RIGI: variants seen among roughly 807,000 people sequenced by gnomAD.
RIGI encodes RNA sensor RIG-I.
the RIGI span, chr9:32,457,480 AT>A: frequency 1.5e-5 from 18 of 1,178,376 alleles, 1 homozygote; most frequent in South Asian, 2.2e-4. Context: ...CATAATTGTG[AT>A]TTAAAAAAAA....
the RIGI span, chr9:32,472,949 A>G: frequency 1.9e-6 from 3 of 1,543,156 alleles, no homozygotes; most frequent in Non-Finnish European, 2.7e-6. Context: ...ATAATCCACT[A>G]AATCTAATTC....
the RIGI span, among the ~76,000 whole-genome samples, chr9:32,508,239 A>ATTTTTTTTTTTTTTTTTTTTATTTTT: frequency 1.4e-5 from 1 of 70,336 alleles, no homozygotes; most frequent in African/African-American, 5.9e-5. Flanking sequence ...TATTTACTTA[A>ATTTTTTTTTTTTTTTTTTTTATTTTT]TTTTTTTTTT....
chr9:32,464,779 C>G, the RIGI span, among the ~76,000 whole-genome samples: 2 of 152,208 alleles, frequency 1.3e-5, no homozygotes, highest in African/African-American at 2.4e-5. Flanking sequence ...GGCTTCCCAG[C>G]TGCCAGTAAC....
the RIGI span, chr9:32,487,522 C>T: frequency 1.2e-6 from 2 of 1,614,022 alleles, no homozygotes; most frequent in Admixed American, 1.7e-5. Flanking sequence ...TTGTGTTTGA[C>T]TGTTGCTATC....
At chr9:32,477,111 T>G in the RIGI span, 22 of 1,613,556 alleles carry the variant, frequency 1.4e-5, no homozygotes, top group East Asian at 4.9e-4. Context: ...CTGGAAACAC[T>G]TTCTAGTTCC....
chr9:32,481,591 T>TG, the RIGI span: 1 of 958,520 alleles, frequency 1.0e-6, no homozygotes, highest in South Asian at 1.8e-5. Context: ...TCTTTTTCTT[T>TG]TTTTTTTTCC....
At chr9:32,472,087 C>T in the RIGI span, among the ~76,000 whole-genome samples, 2 of 152,156 alleles carry the variant, frequency 1.3e-5, no homozygotes, top group East Asian at 3.9e-4. Flanking sequence ...GATAATAACA[C>T]AGGCAGCCTT....
At chr9:32,473,351 G>A in the RIGI span, among the ~76,000 whole-genome samples, 52 of 140,114 alleles carry the variant, frequency 3.7e-4, no homozygotes, top group South Asian at 0.011. Context: ...GCAGTGGCAC[G>A]ATCTTCGCTC....
chr9:32,525,327 C>T, the RIGI span, among the ~76,000 whole-genome samples: 1 of 152,212 alleles, frequency 6.6e-6, no homozygotes. Flanking sequence ...CGAACAGCAA[C>T]AGCATCGGGT....
chr9:32,507,488 A>G, the RIGI span, among the ~76,000 whole-genome samples: 4 of 152,156 alleles, frequency 2.6e-5, no homozygotes, highest in Admixed American at 2.6e-4. Context: ...TCTAATATTT[A>G]ATAAACAAAG....
chr9:32,481,352 A>C, the RIGI span: 3 of 1,611,840 alleles, frequency 1.9e-6, no homozygotes, highest in South Asian at 3.3e-5. Flanking sequence ...GCAAATGTGA[A>C]GTGTATAAAA....
chr9:32,482,124 G>A, the RIGI span, among the ~76,000 whole-genome samples: 1 of 151,882 alleles, frequency 6.6e-6, no homozygotes, highest in Admixed American at 6.6e-5. Flanking sequence ...CCTCCAAACT[G>A]TTCTCCCTAC....
chr9:32,475,816 T>C, the RIGI span, among the ~76,000 whole-genome samples: 3 of 152,064 alleles, frequency 2.0e-5, no homozygotes, highest in Non-Finnish European at 2.9e-5. Context: ...AAAACTGATA[T>C]ACTGAACTTT....
the RIGI span, chr9:32,457,345 T>C: frequency 6.2e-7 from 1 of 1,614,126 alleles, no homozygotes; most frequent in Admixed American, 1.7e-5. Flanking sequence ...ACTTGAAAAC[T>C]GCTTTGGCTT....
the RIGI span, chr9:32,485,111 C>T: frequency 3.9e-5 from 47 of 1,212,560 alleles, 1 homozygote; most frequent in East Asian, 2.1e-4. Flanking sequence ...CACAAAAAGA[C>T]GATAGTGAAC....
At chr9:32,477,829 G>A in the RIGI span, among the ~76,000 whole-genome samples, 1 of 151,984 alleles carries the variant, frequency 6.6e-6, no homozygotes, top group Non-Finnish European at 1.5e-5. Flanking sequence ...GGAGGATGAG[G>A]CAGGAGAATC....
chr9:32,464,452 C>T, the RIGI span, among the ~76,000 whole-genome samples: 755 of 152,176 alleles, frequency 5.0e-3, 3 homozygotes, highest in African/African-American at 0.017. Flanking sequence ...TGCAGTGGCG[C>T]GATCTCGGCT....
At chr9:32,487,489 C>T in the RIGI span, 2 of 1,614,120 alleles carry the variant, frequency 1.2e-6, no homozygotes. Context: ...GGCTTATAAA[C>T]AACTTGCTCC....
chr9:32,477,647 G>A, the RIGI span, among the ~76,000 whole-genome samples: 10 of 152,206 alleles, frequency 6.6e-5, no homozygotes, highest in East Asian at 1.9e-4. Context: ...TAGTCAGGCC[G>A]GGTGTGGTGG....
Sources: allele counts gnomAD v4.1 joint callset (sites outside exome capture counted in the v4.1 genomes callset), GRCh38; gene constraint gnomAD v4.1.1; transcripts MANE v1.5; gene names NCBI Gene and HGNC (gene_info 2026-07-23, HGNC 2026-07-21).